Variants in MYO1D observed in about 807,000 individuals in gnomAD.
MYO1D encodes unconventional myosin-Id.
In MYO1D, 83 loss-of-function variants were observed where a neutral mutation model predicts 122.0. That is an observed-to-expected ratio of 0.68 (90% CI 0.57 to 0.82). The LOEUF is 0.82. MYO1D is among the 40% of genes least tolerant of loss of function. MYO1D has a pLI of 0.00. For missense variants in MYO1D, 1,157 were observed against 1,269.5 expected, an observed-to-expected ratio of 0.91 and a Z score of 1.35; for synonymous variants, 464 against 446.9, an observed-to-expected ratio of 1.04 and a Z score of -0.48.
Position 32,832,739 on chromosome 17 carries a change from C to T in MYO1D, c.95+44039G>A, listed in dbSNP as rs16967669. ...TGGCGAATTTCACCAATTTTATTGA[C>T]GTGAGAAAAAGGCATGCTTTATTTT... On this transcript the variant is annotated intron_variant, in intron 1 of 21. Transcript: ENST00000318217. Among the ~76,000 whole-genome samples, 1,275 of 152,060 alleles carry T rather than the reference C, an allele frequency of 8.4e-3. 21 individuals carry two copies. The highest frequency in any genetic ancestry group is 0.031 in the Admixed American group (474 of 15,278).
At chr17:32,707,231 T>C (rs1474932125) in intron 16 of MYO1D, among the ~76,000 whole-genome samples, 1 of 151,470 alleles carries the variant, frequency 6.6e-6, no homozygotes, top group African/African-American at 2.4e-5. Context: ...GCCAAGAATA[T>C]CAATAAGTCA....
chr17:32,660,723 C>T (rs73981748), intron 16 of MYO1D, among the ~76,000 whole-genome samples: 291 of 152,288 alleles, frequency 1.9e-3, no homozygotes, highest in African/African-American at 6.9e-3. Context: ...AAAACTAACT[C>T]GTCATCTCAT....
intron 19 of MYO1D, among the ~76,000 whole-genome samples, chr17:32,649,567 C>CTTTTTTTTTTT (rs35514290): frequency 2.1e-5 from 2 of 94,046 alleles, no homozygotes; most frequent in African/African-American, 4.4e-5. Context: ...TTCTTTCTTT[C>CTTTTTTTTTTT]TTTTTTTTTT....
rs771235163 is a variant in MYO1D, at chr17:32,780,627, C to T, written c.253G>A (p.Ala85Thr). 3.0e-5 allele frequency: 49 copies of T among 1,614,024 alleles called. No homozygotes were observed. The highest frequency in any genetic ancestry group is 3.9e-5 in the Non-Finnish European group (46 of 1,180,046). ...GATCGCCTCTTCATAGCCTTGTAAGCAGCATCCGCAATAGCAAAAAGGTGA... is the reference window on the plus strand; with the variant it reads ...GATCGCCTCTTCATAGCCTTGTAAGTAGCATCCGCAATAGCAAAAAGGTGA... ...PPHLFAIADAAYKAMKRRSKD... is the reference protein window; with the variant it reads ...PPHLFAIADATYKAMKRRSKD... Residue 85 changes from alanine (A) to threonine (T), a missense_variant, in exon 2 of 22, where the codon GCT (alanine) becomes ACT (threonine). By Grantham distance (58) the Ala-to-Thr change is moderately conservative. Coordinates refer to ENST00000318217, the MANE Select transcript of MYO1D (RefSeq NM_015194.3).
At position 32,769,099 on chromosome 17, in the gene MYO1D, T is replaced by C. The variant is rs949949983; in HGVS notation, c.715-1347A>G. 2.0e-5 allele frequency among the ~76,000 whole-genome samples: 3 copies of C among 152,240 alleles called. No homozygotes were observed. In the South Asian group the frequency reaches 6.2e-4, roughly 32 times the overall value. On this transcript the variant is annotated intron_variant, in intron 6 of 21. Coordinates refer to ENST00000318217, the MANE Select transcript of MYO1D (RefSeq NM_015194.3). ...CTTATTTCCCTTACTAAATGACTGG[T>C]TAGCCACAGGCATGGGATGCCATTC...
At chr17:32,815,617 G>A (rs2090606769) in intron 1 of MYO1D, among the ~76,000 whole-genome samples, 1 of 152,204 alleles carries the variant, frequency 6.6e-6, no homozygotes, top group Admixed American at 6.5e-5. Flanking sequence ...GGCCTAAAGA[G>A]CACACGCTTT....
At chr17:32,778,411 T>G (rs970343291) in intron 3 of MYO1D, 69 bp downstream of exon 3, 2 of 1,474,158 alleles carry the variant, frequency 1.4e-6, no homozygotes, top group African/African-American at 1.4e-5. Flanking sequence ...CCCTAGAGTT[T>G]AGGTCTAGCC....
intron 21 of MYO1D, among the ~76,000 whole-genome samples, chr17:32,558,525 C>G (rs1406143992): frequency 6.6e-6 from 1 of 152,116 alleles, no homozygotes; most frequent in Non-Finnish European, 1.5e-5. Flanking sequence ...CATGCAAGGG[C>G]GCATTGTCAG....
In MYO1D at chr17:32,671,059, A is replaced by G. The variant is rs934017976; in HGVS notation, c.2122-11721T>C. ...CATGCCTGTCCCGGAGCTGCAGGCC[A>G]GAGTGGGGCAAAAGGCTGATGGAGC... On this transcript the variant is annotated intron_variant, in intron 16 of 21. Coordinates refer to ENST00000318217, the MANE Select transcript of MYO1D (RefSeq NM_015194.3). Among the ~76,000 whole-genome samples, 5 of 152,344 alleles carry G rather than the reference A, an allele frequency of 3.3e-5. No homozygotes were observed. In the South Asian group the frequency reaches 8.3e-4, roughly 25 times the overall value.
chr17:32,529,397 C>T (rs1396014943), intron 21 of MYO1D, among the ~76,000 whole-genome samples: 10 of 39,394 alleles, frequency 2.5e-4, no homozygotes, highest in Admixed American at 1.2e-3. Flanking sequence ...AGAAAAGGGG[C>T]GGGTGGGGAG....
chr17:32,688,644 T>A (rs2089053648), intron 16 of MYO1D, among the ~76,000 whole-genome samples: 1 of 152,150 alleles, frequency 6.6e-6, no homozygotes, highest in Admixed American at 6.5e-5. Context: ...AAACAAACAA[T>A]GTCGTGCTAT....
At chr17:32,526,113 G>T (rs1055851175) in intron 21 of MYO1D, among the ~76,000 whole-genome samples, 4 of 152,126 alleles carry the variant, frequency 2.6e-5, no homozygotes, top group Admixed American at 1.3e-4. Context: ...CCCCTTTGAC[G>T]TATATCCCCT....
intron 21 of MYO1D, among the ~76,000 whole-genome samples, chr17:32,583,929 C>T (rs2150902379): frequency 6.6e-6 from 1 of 152,066 alleles, no homozygotes; most frequent in South Asian, 2.1e-4. Flanking sequence ...TGATATCTTG[C>T]ACATCTTTAA....
chr17:32,556,872 C>A (rs1193745802), intron 21 of MYO1D, among the ~76,000 whole-genome samples: 1 of 152,136 alleles, frequency 6.6e-6, no homozygotes, highest in Non-Finnish European at 1.5e-5. Flanking sequence ...ACTCCCTAAC[C>A]TAAGGAATTT....
chr17:32,550,243 G>C (rs1214406641), intron 21 of MYO1D, among the ~76,000 whole-genome samples: 1 of 152,032 alleles, frequency 6.6e-6, no homozygotes, highest in African/African-American at 2.4e-5. Flanking sequence ...GGGATTACAG[G>C]TGTGCACCAC....
intron 17 of MYO1D, among the ~76,000 whole-genome samples, chr17:32,656,624 C>G (rs749381468): frequency 6.6e-6 from 1 of 152,212 alleles, no homozygotes; most frequent in Non-Finnish European, 1.5e-5. Flanking sequence ...ATGAAGAAGT[C>G]ATGGCTCAGT....
chr17:32,844,444 T>C (rs1418950181), intron 1 of MYO1D, among the ~76,000 whole-genome samples: 1 of 147,930 alleles, frequency 6.8e-6, no homozygotes, highest in Non-Finnish European at 1.5e-5. Flanking sequence ...TGTATATATA[T>C]AATATGTGGC....
In MYO1D at chr17:32,745,278, C is replaced by T. The variant is rs1311105630; in HGVS notation, c.1546G>A (p.Val516Ile). 1.3e-6 allele frequency: 2 copies of T among 1,546,738 alleles called. No individual in the cohort carries two copies. The highest frequency in any genetic ancestry group is 1.1e-5 in the South Asian group (1 of 87,616). ...RHYAGDVVYS[V>I]IGFIDKNKDT... is the part of the protein sequence containing the mutation. ...TTATTTTTGTCAATAAAACCAATGA[C>T]AGAATAGCTAACAGGGAAAAATCAC... is the stretch of plus-strand genomic sequence containing the variant. Residue 516 changes from valine (V) to isoleucine (I), a missense_variant, in exon 13 of 22, where the codon GTC becomes ATC. Transcript: ENST00000318217.
intron 16 of MYO1D, among the ~76,000 whole-genome samples, chr17:32,685,822 G>A (rs552603434): frequency 2.0e-5 from 3 of 152,270 alleles, no homozygotes; most frequent in Non-Finnish European, 2.9e-5. Context: ...CCCCATGCTC[G>A]GTTACATTAT....
Sources: allele counts gnomAD v4.1 joint callset (sites outside exome capture counted in the v4.1 genomes callset), GRCh38; gene constraint gnomAD v4.1.1; transcripts MANE v1.5; gene names NCBI Gene and HGNC (gene_info 2026-07-23, HGNC 2026-07-21).